The following EIF4E3 variants were observed in gnomAD, a reference collection of about 807,000 sequenced individuals.
EIF4E3 encodes the protein eukaryotic translation initiation factor 4E family member 3, also known as eukaryotic translation initiation factor 4E type 3.
In EIF4E3, 26 loss-of-function variants were observed where a neutral mutation model predicts 31.7. That is an observed-to-expected ratio of 0.82 (90% CI 0.60 to 1.14). The LOEUF (loss-of-function observed/expected upper bound fraction) is 1.14. Among genes scored for constraint, EIF4E3 ranks in the 50% most tolerant of loss-of-function variants. The pLI is 0.00. For synonymous variants in EIF4E3, 128 were observed against 107.7 expected, an observed-to-expected ratio of 1.19 and a Z score of -1.17; for missense variants, 304 against 270.9, an observed-to-expected ratio of 1.12 and a Z score of -0.86.
chr3:71,659,999 A>T, the EIF4E3 span, among the ~76,000 whole-genome samples: 1 of 152,216 alleles, frequency 6.6e-6, no homozygotes, highest in African/African-American at 2.4e-5. Context: ...AGCCTGACAG[A>T]TGTCAGAATC....
intron 6 of EIF4E3, among the ~76,000 whole-genome samples, chr3:71,685,038 A>G (rs940104682): frequency 6.6e-6 from 1 of 152,188 alleles, no homozygotes; most frequent in Non-Finnish European, 1.5e-5. Context: ...GCTGCAAGCA[A>G]ATGCCGCAGG....
intron 5 of EIF4E3, among the ~76,000 whole-genome samples, chr3:71,692,915 T>C (rs867977867): frequency 3.3e-5 from 5 of 152,022 alleles, no homozygotes; most frequent in African/African-American, 1.2e-4. Flanking sequence ...CTTAACTGAA[T>C]AAAAAGTGGT....
chr3:71,688,210 T>C (rs929289081), intron 6 of EIF4E3, among the ~76,000 whole-genome samples: 1 of 152,236 alleles, frequency 6.6e-6, no homozygotes, highest in Non-Finnish European at 1.5e-5. Context: ...TTTGGCTTTT[T>C]TCTTTCCCAG....
intron 1 of EIF4E3, among the ~76,000 whole-genome samples, chr3:71,731,402 C>T (rs929819544): frequency 6.6e-6 from 1 of 152,212 alleles, no homozygotes; most frequent in Non-Finnish European, 1.5e-5. Context: ...CTGACTCCTT[C>T]TCCTGCCTTA....
chr3:71,668,947 T>C, the EIF4E3 span, among the ~76,000 whole-genome samples: 1 of 152,170 alleles, frequency 6.6e-6, no homozygotes, highest in African/African-American at 2.4e-5. Flanking sequence ...CATGCACACA[T>C]ATGTTTATTG....
chr3:71,711,905 C>T (rs1373139037), intron 1 of EIF4E3, among the ~76,000 whole-genome samples: 2 of 152,166 alleles, frequency 1.3e-5, no homozygotes, highest in African/African-American at 4.8e-5. Context: ...ATCGCTTGAA[C>T]ACAGGAGATG....
At chr3:71,685,237 G>A (rs2048976487) in intron 6 of EIF4E3, among the ~76,000 whole-genome samples, 1 of 152,016 alleles carries the variant, frequency 6.6e-6, no homozygotes. Context: ...CACTCTCCAT[G>A]GGAAATGAAG....
intron 1 of EIF4E3, among the ~76,000 whole-genome samples, chr3:71,719,149 C>A (rs1266140479): frequency 6.6e-6 from 1 of 152,226 alleles, no homozygotes; most frequent in Admixed American, 6.5e-5. Flanking sequence ...CAACACTTCT[C>A]AGAATTCTTC....
the EIF4E3 span, among the ~76,000 whole-genome samples, chr3:71,660,528 A>T: frequency 6.6e-6 from 1 of 152,144 alleles, no homozygotes; most frequent in Non-Finnish European, 1.5e-5. Flanking sequence ...ATCTGAATAG[A>T]CCAGATGTTA....
intron 6 of EIF4E3, among the ~76,000 whole-genome samples, chr3:71,685,074 T>C (rs1470601725): frequency 6.6e-6 from 1 of 152,034 alleles, no homozygotes; most frequent in Non-Finnish European, 1.5e-5. Flanking sequence ...CAAAATGCAT[T>C]GCAGGGGGTG....
At chr3:71,690,233 C>G in intron 5 of EIF4E3, 68 bp from the exon 6 acceptor site, 1 of 1,453,930 alleles carries the variant, frequency 6.9e-7, no homozygotes, top group Non-Finnish European at 9.1e-7. Flanking sequence ...TTTCTAAGAA[C>G]TTAGTCTTTT....
intron 2 of EIF4E3, among the ~76,000 whole-genome samples, chr3:71,706,506 C>T (rs1201666043): frequency 6.6e-6 from 1 of 151,792 alleles, no homozygotes; most frequent in Non-Finnish European, 1.5e-5. Flanking sequence ...TTTTTTAGTG[C>T]TAATGGAGTG....
chr3:71,747,157 G>A (rs2049882460), intron 1 of EIF4E3, among the ~76,000 whole-genome samples: 1 of 152,206 alleles, frequency 6.6e-6, no homozygotes, highest in Non-Finnish European at 1.5e-5. Context: ...GCGTGAAATG[G>A]CTAGGTCATA....
intron 2 of EIF4E3, among the ~76,000 whole-genome samples, chr3:71,704,239 T>A (rs917859237): frequency 6.6e-6 from 1 of 152,194 alleles, no homozygotes; most frequent in Non-Finnish European, 1.5e-5. Context: ...AAACCAACTC[T>A]GAGTTGGGGA....
Position 71,725,225 on chromosome 3 carries a change from G to T in EIF4E3, c.143C>A (p.Pro48Gln). 8.8e-7 allele frequency: 1 copy of T among 1,136,882 alleles called. No individual in the cohort carries two copies. The highest frequency in any genetic ancestry group is 1.1e-6 in the Non-Finnish European group (1 of 920,978). The allele number at this position is 1,136,882 out of a possible 1,614,324, so 70.4% of individuals were successfully genotyped here. A position where few individuals can be genotyped will look rare whatever the true frequency, so the allele number is the denominator to read the frequency against. The change falls in exon 1 of 7, where the codon CCG becomes CAG. Residue 48 changes from proline to glutamine, a missense_variant. By Grantham distance (76) the Pro-to-Gln change is moderately conservative. Transcript: ENST00000425534. This position sits in a 1 kb window ranked among gnomAD's most constrained non-coding sequence, Gnocchi z 6.1. ...CCAGAAGGTCCAGGACGAGTGCAGCGGGACCCCGCCCGGCTCAGGCTGCAG... is the reference window on the plus strand; with the variant it reads ...CCAGAAGGTCCAGGACGAGTGCAGCTGGACCCCGCCCGGCTCAGGCTGCAG... ...SALQPEPGGV[P>Q]LHSSWTFWLD...
At position 71,676,233 on chromosome 3, in the gene EIF4E3, C is replaced by G. The variant is rs2048874525; in HGVS notation, c.*8449G>C. The G allele has an allele frequency of 6.6e-6, 1 of 152,148 alleles. No individual in the cohort carries two copies. The highest frequency in any genetic ancestry group is 1.5e-5 in the Non-Finnish European group (1 of 68,042). The allele number at this position is 152,148 out of a possible 1,614,324, so 9.4% of individuals were successfully genotyped here. On this transcript the variant is annotated 3_prime_UTR_variant, in exon 7 of 7. Transcript: ENST00000425534. ...CCAACGTTCATAGTTAGAGAAGATT[C>G]TATATGTAAAATGATGTTTATCACC...
chr3:71,733,161 A>G (rs777167302), intron 1 of EIF4E3, among the ~76,000 whole-genome samples: 3 of 152,202 alleles, frequency 2.0e-5, no homozygotes, highest in Non-Finnish European at 4.4e-5. Context: ...GAAAGTTCTG[A>G]GTCCCAGAAA....
Position 71,712,638 on chromosome 3 carries a change from G to GGA in EIF4E3, c.177-2155_177-2154insTC, listed in dbSNP as rs1559601624. ...TATGTGTGTGTGTTGCGGGGGGTGG[G>GGA]CGGGGGAGATTCTAGGGCTCAAAGG... On this transcript the variant is annotated intron_variant, in intron 1 of 6. Transcript: ENST00000425534. 3.6e-5 allele frequency among the ~76,000 whole-genome samples: 4 copies of GGA among 111,234 alleles called. 1 individual carries two copies. The highest frequency in any genetic ancestry group is 1.4e-4 in the African/African-American group (4 of 27,662). 73.0% of individuals were successfully genotyped at this position (111,234 alleles called of 152,430 possible). A position where few individuals can be genotyped will look rare whatever the true frequency, so the allele number is the denominator to read the frequency against.
At chr3:71,745,479 C>A (rs2049862238) in intron 1 of EIF4E3, among the ~76,000 whole-genome samples, 1 of 152,026 alleles carries the variant, frequency 6.6e-6, no homozygotes, top group Non-Finnish European at 1.5e-5. Flanking sequence ...GGATGTACCC[C>A]CCAAATCGCC....
Sources: allele counts gnomAD v4.1 joint callset (sites outside exome capture counted in the v4.1 genomes callset), GRCh38; gene constraint gnomAD v4.1.1; non-coding constraint Gnocchi (gnomAD v3.1); transcripts MANE v1.5; gene names NCBI Gene and HGNC (gene_info 2026-07-23, HGNC 2026-07-21).